The following AP3M1 variants were observed in gnomAD, a reference collection of about 807,000 sequenced individuals.
The protein encoded by AP3M1 is adaptor related protein complex 3 subunit mu 1.
Under a neutral mutation model 42.6 loss-of-function variants are expected in AP3M1, and 29 were observed. That is an observed-to-expected ratio of 0.68 (90% CI 0.51 to 0.93). AP3M1 has a LOEUF of 0.93. Ranked by LOEUF, AP3M1 falls within the 40% of genes least tolerant of loss-of-function variation. AP3M1 has a pLI of 0.00. For synonymous variants in AP3M1, 178 were observed against 175.3 expected, an observed-to-expected ratio of 1.02 and a Z score of -0.12; for missense variants, 416 against 510.2, an observed-to-expected ratio of 0.82 and a Z score of 1.78.
At chr10:74,147,532 T>G (rs1841368283) in intron 1 of AP3M1, among the ~76,000 whole-genome samples, 1 of 152,238 alleles carries the variant, frequency 6.6e-6, no homozygotes, top group Admixed American at 6.5e-5. Context: ...TAAATGAAGC[T>G]AATTAATATC....
At chr10:74,144,322 C>T (rs10824082) in intron 1 of AP3M1, among the ~76,000 whole-genome samples, 27,644 of 149,270 alleles carry the variant, frequency 0.19, 3,064 homozygotes, top group African/African-American at 0.32. Context: ...TGGAGTGCAG[C>T]TGCGTCATCT....
chr10:74,128,586 C>T (rs1840686674), intron 6 of AP3M1, among the ~76,000 whole-genome samples: 1 of 152,046 alleles, frequency 6.6e-6, no homozygotes, highest in Admixed American at 6.5e-5. Flanking sequence ...AGAAGACGTA[C>T]TTGAAGCAGG....
At chr10:74,142,042 CATG>C (rs2131993479) in intron 1 of AP3M1, among the ~76,000 whole-genome samples, 1 of 152,182 alleles carries the variant, frequency 6.6e-6, no homozygotes, top group East Asian at 1.9e-4. Flanking sequence ...TCTTGACCTG[CATG>C]ATGTTTACAA....
intron 6 of AP3M1, chr10:74,128,833 G>A (rs1840693114): frequency 2.3e-5 from 7 of 307,428 alleles, no homozygotes; most frequent in Middle Eastern, 1.0e-3. Context: ...GCAAAGGACC[G>A]GTACCACAAT....
At chr10:74,140,366 T>G (rs1425222439) in intron 1 of AP3M1, among the ~76,000 whole-genome samples, 1 of 152,240 alleles carries the variant, frequency 6.6e-6, no homozygotes, top group Non-Finnish European at 1.5e-5. Context: ...TACATACCTT[T>G]GCAAGCCCTT....
intron 1 of AP3M1, among the ~76,000 whole-genome samples, chr10:74,143,236 AG>A (rs1170675291): frequency 6.6e-6 from 1 of 152,218 alleles, no homozygotes; most frequent in Non-Finnish European, 1.5e-5. Flanking sequence ...CTGTAATCCC[AG>A]CTACTTGGGA....
rs542051107 is a variant in AP3M1, at chr10:74,121,655, G to C, written c.*2155C>G. The C allele has an allele frequency of 6.6e-6, 1 of 152,312 alleles. No individual in the cohort carries two copies. The highest frequency in any genetic ancestry group is 6.5e-5 in the Admixed American group (1 of 15,300). 9.4% of individuals were successfully genotyped at this position (152,312 alleles called of 1,614,324 possible). On this transcript the variant is annotated 3_prime_UTR_variant, in exon 9 of 9. Coordinates refer to ENST00000355264, the MANE Select transcript of AP3M1 (RefSeq NM_012095.6). ...GAAGTGCTTTGCAGCAACACTCGCA[G>C]CTTGTGTGATGATGCAGAAGAAAAT...
At chr10:74,148,873 G>GT (rs1303638912) in intron 1 of AP3M1, among the ~76,000 whole-genome samples, 14 of 149,976 alleles carry the variant, frequency 9.3e-5, no homozygotes, top group African/African-American at 3.4e-4. Flanking sequence ...TAGTATATTG[G>GT]TTTGTTTTTT....
In AP3M1 at chr10:74,129,996, A is replaced by C. The variant is rs773912587; in HGVS notation, c.584-4T>G. On this transcript the variant is annotated splice_region_variant and splice_polypyrimidine_tract_variant and intron_variant, in intron 4 of 8. Transcript: ENST00000355264. ...ATTTCTGCAAAGACTGTAGATCCTG[A>C]AGAAAGAAAAAAAAAAGGAAGATAA... 1 of 1,508,068 alleles carries C rather than the reference A, an allele frequency of 6.6e-7. No homozygotes were observed. Among genetic ancestry groups the C allele is most frequent in the East Asian group, 2.3e-5 (1 of 43,862 alleles). 93.4% of individuals were successfully genotyped at this position (1,508,068 alleles called of 1,614,324 possible).
At chr10:74,128,449 G>C (rs991747698) in intron 6 of AP3M1, among the ~76,000 whole-genome samples, 6 of 151,982 alleles carry the variant, frequency 3.9e-5, no homozygotes, top group African/African-American at 1.4e-4. Flanking sequence ...ATGTTGACCA[G>C]ACTGGTCTAG....
At chr10:74,130,475 C>A (rs1840748732) in intron 4 of AP3M1, among the ~76,000 whole-genome samples, 1 of 151,344 alleles carries the variant, frequency 6.6e-6, no homozygotes, top group South Asian at 2.1e-4. Flanking sequence ...GAGACAGGGT[C>A]TTGCTCTGTC....
rs555352920 is a variant in AP3M1 at position 74,124,443 on chromosome 10, G to A, written c.1093C>T (p.Pro365Ser). The A allele has an allele frequency of 6.2e-6, 10 of 1,613,418 alleles. No homozygotes were observed. The highest frequency in any genetic ancestry group is 5.0e-5 in the Admixed American group (3 of 59,904). Reference protein sequence around the residue: ...KGLVNLQSGAPKPEENPSLNI... With the variant: ...KGLVNLQSGASKPEENPSLNI... Reference sequence around the variant, plus strand: ...AGGCTCGGATTCTCTTCTGGTTTGGGGGCTCCAGACTGTAAATTTACCAGT... The same window carrying A: ...AGGCTCGGATTCTCTTCTGGTTTGGAGGCTCCAGACTGTAAATTTACCAGT... The change falls in exon 8 of 9, where the codon CCC becomes TCC. Residue 365 changes from proline to serine, a missense_variant. Pro to Ser is a moderately conservative substitution (Grantham distance 74). Transcript: ENST00000355264.
intron 8 of AP3M1, 57 bp from the exon 9 acceptor site, chr10:74,123,967 T>C: frequency 7.0e-7 from 1 of 1,434,092 alleles, no homozygotes; most frequent in Non-Finnish European, 9.8e-7. Context: ...AATATAATGT[T>C]AGCAATGAGC....
At chr10:74,134,308 T>G (rs1840879240) in intron 3 of AP3M1, 144 bp from the exon 4 acceptor site, 4 of 845,892 alleles carry the variant, frequency 4.7e-6, no homozygotes, top group Non-Finnish European at 1.8e-6. Flanking sequence ...GTCAGACATA[T>G]CCATACCAAC....
At chr10:74,146,303 ACTTTATT>A (rs1217517983) in intron 1 of AP3M1, among the ~76,000 whole-genome samples, 2 of 152,200 alleles carry the variant, frequency 1.3e-5, no homozygotes, top group African/African-American at 4.8e-5. Context: ...AGGAGTTTGG[ACTTTATT>A]CTTAGTGCAA....
chr10:74,130,556 T>A (rs1202339790), intron 4 of AP3M1, among the ~76,000 whole-genome samples: 1 of 151,678 alleles, frequency 6.6e-6, no homozygotes, highest in Non-Finnish European at 1.5e-5. Flanking sequence ...TCCTCCCACC[T>A]CAGCCTCCCA....
At chr10:74,134,259 G>A in intron 3 of AP3M1, 95 bp from the exon 4 acceptor site, 1 of 1,342,258 alleles carries the variant, frequency 7.5e-7, no homozygotes, top group Middle Eastern at 2.1e-4. Context: ...TTCAATGTTT[G>A]GATTTTTCTT....
intron 1 of AP3M1, among the ~76,000 whole-genome samples, chr10:74,140,546 T>G (rs574073018): frequency 4.6e-5 from 7 of 151,124 alleles, no homozygotes; most frequent in African/African-American, 1.7e-4. Context: ...AAACAAGAAT[T>G]GGGGGGATGC....
intron 7 of AP3M1, 31 bp from the exon 8 acceptor site, chr10:74,124,555 G>A: frequency 6.5e-7 from 1 of 1,548,152 alleles, no homozygotes; most frequent in South Asian, 1.2e-5. Context: ...AAAACAAATA[G>A]AACCATTTAT....
Sources: gnomAD v4.1 joint callset for allele counts (sites outside exome capture counted in the v4.1 genomes callset) on GRCh38, gnomAD v4.1.1 for gene constraint, MANE v1.5 for transcripts, NCBI Gene and HGNC (gene_info 2026-07-23, HGNC 2026-07-21) for gene names.